PPAT: variants seen among roughly 807,000 people sequenced by gnomAD.
The protein encoded by PPAT is amidophosphoribosyltransferase.
PPAT carries 20 observed loss-of-function variants against 60.2 expected under a neutral mutation model. That is an observed-to-expected ratio of 0.33 (90% CI 0.23 to 0.48). The LOEUF is 0.48. Among genes scored for constraint, PPAT ranks in the 20% least tolerant of loss-of-function variants. The pLI is 0.99. For synonymous variants in PPAT, 194 were observed against 215.1 expected, an observed-to-expected ratio of 0.90 and a Z score of 0.86; for missense variants, 349 against 629.6, an observed-to-expected ratio of 0.55 and a Z score of 4.77.
intron 8 of PPAT, 125 bp downstream of exon 8, chr4:56,400,659 A>AC: frequency 9.2e-7 from 1 of 1,084,292 alleles, no homozygotes; most frequent in Non-Finnish European, 1.2e-6. Context: ...TTGTAAACAA[A>AC]CCAACATTAA....
At chr4:56,402,641 A>AC (rs1276782236) in intron 5 of PPAT, among the ~76,000 whole-genome samples, 1 of 151,926 alleles carries the variant, frequency 6.6e-6, no homozygotes, top group African/African-American at 2.4e-5. Context: ...ACATGGAGAA[A>AC]CCCTGTCTCT....
At position 56,396,780 on chromosome 4, in the gene PPAT, GC is replaced by G; in HGVS notation, c.1237-42del. The G allele has an allele frequency of 1.9e-6, 3 of 1,572,426 alleles. No homozygotes were observed. Among genetic ancestry groups the G allele is most frequent in the Non-Finnish European group, 2.6e-6 (3 of 1,160,654 alleles). Reference sequence around the variant, plus strand: ...TTGCACACAAGGTTTTTAAGACTATGCAAAATTCTTTCATTGTGCAAATACA... The same window carrying G: ...TTGCACACAAGGTTTTTAAGACTATGAAAATTCTTTCATTGTGCAAATACA... On this transcript the variant is annotated intron_variant, in intron 9 of 10. Coordinates refer to ENST00000264220, the MANE Select transcript of PPAT (RefSeq NM_002703.5). The surrounding 1 kb of genome is among the most constrained non-coding windows in gnomAD (Gnocchi z 4.6).
intron 1 of PPAT, among the ~76,000 whole-genome samples, chr4:56,433,673 A>G (rs925122014): frequency 6.6e-6 from 1 of 150,790 alleles, no homozygotes; most frequent in Admixed American, 6.7e-5. Context: ...CCTCACCCCC[A>G]TGACAGAGTA....
chr4:56,411,026 G>C (rs929221957), intron 1 of PPAT: 6 of 673,436 alleles, frequency 8.9e-6, no homozygotes, highest in Non-Finnish European at 1.1e-5. Context: ...GAAATATCAA[G>C]ACTGTGGAAA....
At chr4:56,413,374 C>T (rs546239303) in intron 1 of PPAT, among the ~76,000 whole-genome samples, 1 of 152,042 alleles carries the variant, frequency 6.6e-6, no homozygotes, top group Non-Finnish European at 1.5e-5. Context: ...AGGCTGGTCT[C>T]GAAGTCCTGT....
chr4:56,412,040 A>G (rs1290249672), intron 1 of PPAT, among the ~76,000 whole-genome samples: 1 of 152,212 alleles, frequency 6.6e-6, no homozygotes, highest in Non-Finnish European at 1.5e-5. Context: ...ACTCTTCATT[A>G]TTTAAGTGCT....
chr4:56,402,283 G>GA, intron 5 of PPAT, 102 bp from the exon 6 acceptor site: 6 of 770,640 alleles, frequency 7.8e-6, no homozygotes, highest in Non-Finnish European at 1.2e-5. Flanking sequence ...AAAACTCATA[G>GA]AATAGCCATT....
At position 56,403,308 on chromosome 4, in the gene PPAT, T is replaced by C. The variant is rs1255806463; in HGVS notation, c.496A>G (p.Thr166Ala). Reference protein sequence around the residue: ...AYTPPQEQDDTPDWVARIKNL... With the variant: ...AYTPPQEQDDAPDWVARIKNL... The stretch of plus-strand genomic sequence containing the variant: ...GCTTACCTGGCTACCCAGTCTGGGG[T>C]GTCATCTTGTTCCTGAGGAGGGGTA... The change falls in exon 4 of 11, where the codon ACC (threonine) becomes GCC (alanine). Residue 166 changes from threonine (T) to alanine (A), a missense_variant. This residue lies in a region of PPAT where 63 missense variants were observed against 86.9 expected (regional missense o/e 0.73). Coordinates refer to ENST00000264220, the MANE Select transcript of PPAT (RefSeq NM_002703.5). 1 of 1,613,448 alleles carries C rather than the reference T, an allele frequency of 6.2e-7. No homozygotes were observed. Among genetic ancestry groups the C allele is most frequent in the East Asian group, 2.2e-5 (1 of 44,886 alleles).
At chr4:56,425,528 G>C (rs1373564376) in intron 1 of PPAT, 2 of 210,572 alleles carry the variant, frequency 9.5e-6, no homozygotes, top group African/African-American at 2.4e-5. Flanking sequence ...TGTACTGTTG[G>C]TAATATTTTA....
At chr4:56,427,170 A>T (rs1578135993) in intron 1 of PPAT, among the ~76,000 whole-genome samples, 1 of 152,222 alleles carries the variant, frequency 6.6e-6, no homozygotes, top group Non-Finnish European at 1.5e-5. Context: ...GCTATTATCA[A>T]TAACTCTGCT....
intron 9 of PPAT, among the ~76,000 whole-genome samples, chr4:56,397,304 C>T (rs1716001387): frequency 2.0e-5 from 3 of 152,094 alleles, no homozygotes; most frequent in Non-Finnish European, 4.4e-5. Flanking sequence ...GGTTCTTTGA[C>T]TTTATTCTTT....
intron 1 of PPAT, among the ~76,000 whole-genome samples, chr4:56,432,202 T>C (rs1373124364): frequency 6.6e-6 from 1 of 152,110 alleles, no homozygotes; most frequent in Non-Finnish European, 1.5e-5. Context: ...ACAAAAGTGA[T>C]AGAAATCTCA....
At position 56,402,332 on chromosome 4, in the gene PPAT, G is replaced by A. The variant is rs979114941; in HGVS notation, c.662-151C>T. 4 of 478,254 alleles carry A rather than the reference G, an allele frequency of 8.4e-6. No homozygotes were observed. In the East Asian group the frequency reaches 1.3e-4, roughly 15 times the overall value. 29.6% of individuals were successfully genotyped at this position (478,254 alleles called of 1,614,324 possible). ...GAGCACATGGATCCTCATTTGACTT[G>A]AGCCAAAGATAAAATAAATGATCTT... On this transcript the variant is annotated intron_variant, in intron 5 of 10. Transcript: ENST00000264220.
At chr4:56,434,369 T>C (rs918996428) in intron 1 of PPAT, among the ~76,000 whole-genome samples, 3 of 152,236 alleles carry the variant, frequency 2.0e-5, no homozygotes, top group Non-Finnish European at 2.9e-5. Flanking sequence ...CCAAGTTCCT[T>C]AACTGTAGTG....
chr4:56,410,468 AC>A (rs1716392883), intron 1 of PPAT: 1 of 977,256 alleles, frequency 1.0e-6, no homozygotes, highest in Non-Finnish European at 1.2e-6. Flanking sequence ...TTCCTAGGAA[AC>A]AAAACCTTGG....
chr4:56,434,326 G>A (rs1520025), intron 1 of PPAT, among the ~76,000 whole-genome samples: 5,972 of 152,210 alleles, frequency 0.039, 159 homozygotes, highest in Admixed American at 0.089. Flanking sequence ...GCGTTTATAC[G>A]TGTTGCACCC....
At chr4:56,403,484 T>G (rs113238542) in intron 3 of PPAT, 83 bp from the exon 4 acceptor site, 25 of 473,916 alleles carry the variant, frequency 5.3e-5, no homozygotes, top group Non-Finnish European at 7.4e-5. Context: ...ATAATGAAAA[T>G]AAGGCATTCT....
At chr4:56,402,850 G>C (rs28594232) in intron 5 of PPAT, among the ~76,000 whole-genome samples, 190 bp downstream of exon 5, 8 of 41,148 alleles carry the variant, frequency 1.9e-4, no homozygotes, top group Admixed American at 7.0e-4. Flanking sequence ...AAAAAAAAAG[G>C]GGGGGGACTC....
Position 56,401,341 on chromosome 4 carries a change from C to T in PPAT, c.875G>A (p.Ser292Asn). 6.3e-7 allele frequency: 1 copy of T among 1,586,290 alleles called. No individual in the cohort carries two copies. Reference sequence around the variant, plus strand: ...AGAAATCTACTTACCTTCGAACATACTGTCTGGTCTTGCAAAATAAACATA... The same window carrying T: ...AGAAATCTACTTACCTTCGAACATATTGTCTGGTCTTGCAAAATAAACATA... ...FEYVYFARPD[S>N]MFEDQMVYTV... Residue 292 changes from serine to asparagine, a missense_variant, in exon 7 of 11, where the codon AGT becomes AAT. This residue lies in a region of PPAT where 167 missense variants were observed against 328.6 expected (regional missense o/e 0.51). Coordinates refer to ENST00000264220, the MANE Select transcript of PPAT (RefSeq NM_002703.5).
Sources: allele counts gnomAD v4.1 joint callset (sites outside exome capture counted in the v4.1 genomes callset), GRCh38; gene constraint gnomAD v4.1.1; regional missense constraint gnomAD v4.1.1; non-coding constraint Gnocchi (gnomAD v3.1); transcripts MANE v1.5; gene names NCBI Gene and HGNC (gene_info 2026-07-23, HGNC 2026-07-21).